DMXL1: variants seen among roughly 807,000 people sequenced by gnomAD.
DMXL1 encodes dmX-like protein 1.
Under a neutral mutation model 319.2 loss-of-function variants are expected in DMXL1, and 99 were observed. The observed-to-expected ratio is 0.31, with a 90% confidence interval of 0.26 to 0.37. DMXL1 has a LOEUF of 0.37. Ranked by LOEUF, DMXL1 falls within the 10% of genes least tolerant of loss-of-function variation. DMXL1 has a pLI of 1.00. For missense variants in DMXL1, 3,745 were observed against 3,595.6 expected, an observed-to-expected ratio of 1.04 and a Z score of -1.06; for synonymous variants, 1,385 against 1,235.2, an observed-to-expected ratio of 1.12 and a Z score of -2.54.
rs1438775984 is a variant in DMXL1, at chr5:119,133,120, T to C, written c.1316-12T>C. The C allele has an allele frequency of 1.9e-6, 3 of 1,613,290 alleles. No individual in the cohort carries two copies. The highest frequency in any genetic ancestry group is 2.5e-6 in the Non-Finnish European group (3 of 1,179,540). On this transcript the variant is annotated splice_polypyrimidine_tract_variant and intron_variant, in intron 10 of 43. Coordinates refer to ENST00000539542, the MANE Select transcript of DMXL1 (RefSeq NM_001290321.3). ...TTGTATTTACTTGGTTCATGAACTCTTTTGCTTATAGAAACTGATGATGGT... is the reference window on the plus strand; with the variant it reads ...TTGTATTTACTTGGTTCATGAACTCCTTTGCTTATAGAAACTGATGATGGT...
At position 119,149,746 on chromosome 5, in the gene DMXL1, G is replaced by A. The variant is rs1455523917; in HGVS notation, c.3919G>A (p.Glu1307Lys). 1.2e-6 allele frequency: 2 copies of A among 1,613,984 alleles called. No individual in the cohort carries two copies. The highest frequency in any genetic ancestry group is 2.2e-5 in the South Asian group (2 of 91,074). The stretch of plus-strand genomic sequence containing the variant: ...TGCATTCGATCCTTCAGTGGATATG[G>A]AAGATTCAGGTCTTTTTGAAGCAGC... The part of the protein sequence containing the change: ...KTAFDPSVDM[E>K]DSGLFEAAHV... The change falls in exon 18 of 44, where the codon GAA (glutamate) becomes AAA (lysine). Residue 1307 changes from glutamate to lysine, a missense_variant. Physicochemically the swap from Glu to Lys is moderately conservative, Grantham distance 56 (BLOSUM62 1). Around this residue, in one of 4 missense-constraint regions of DMXL1, gnomAD observed 2,096 missense variants for 1,985.4 expected, o/e 1.06. Transcript: ENST00000539542.
At chr5:119,201,784 G>C (rs907608480) in intron 32 of DMXL1, among the ~76,000 whole-genome samples, 1 of 152,082 alleles carries the variant, frequency 6.6e-6, no homozygotes. Flanking sequence ...ATTTCTTCCA[G>C]GTTCAGTCTT....
At chr5:119,221,527 GT>G (rs1032994561) in intron 37 of DMXL1, among the ~76,000 whole-genome samples, 1 of 152,008 alleles carries the variant, frequency 6.6e-6, no homozygotes, top group South Asian at 2.1e-4. Flanking sequence ...GGATTTCAGT[GT>G]TTTTTTACAA....
chr5:119,154,792 A>T (rs1020452637), intron 19 of DMXL1: 2 of 152,366 alleles, frequency 1.3e-5, no homozygotes, highest in Non-Finnish European at 2.9e-5. Flanking sequence ...TTGGAAGAAG[A>T]TGCCATCTAG....
intron 1 of DMXL1, among the ~76,000 whole-genome samples, chr5:119,088,195 T>C (rs1321918377): frequency 1.3e-5 from 2 of 152,256 alleles, no homozygotes; most frequent in South Asian, 2.1e-4. Context: ...TTTATCGTTA[T>C]ATAGTAATCT....
chr5:119,105,269 A>G lies in DMXL1; in HGVS notation c.364+11A>G, dbSNP rs1180928458. ...CCTGGGATCCCACAGGTAAGAAAAT[A>G]AGCAGGATTAACTAAAATGAAATAT... On this transcript the variant is annotated intron_variant, in intron 4 of 43. Transcript: ENST00000539542. 6.2e-7 allele frequency: 1 copy of G among 1,600,620 alleles called. No individual in the cohort carries two copies. Among genetic ancestry groups the G allele is most frequent in the African/African-American group, 1.3e-5 (1 of 74,694 alleles).
chr5:119,136,291 G>T (rs746046027), intron 13 of DMXL1, among the ~76,000 whole-genome samples: 2 of 152,210 alleles, frequency 1.3e-5, no homozygotes, highest in Non-Finnish European at 2.9e-5. Context: ...GGCTTATTCT[G>T]AATGCATTCA....
intron 1 of DMXL1, among the ~76,000 whole-genome samples, chr5:119,090,254 C>T (rs1754464007): frequency 6.6e-6 from 1 of 151,620 alleles, no homozygotes. Flanking sequence ...CTCCGGACCT[C>T]AGGTGATTTG....
intron 37 of DMXL1, 142 bp from the exon 38 acceptor site, chr5:119,224,567 T>A: frequency 2.8e-6 from 1 of 358,030 alleles, no homozygotes; most frequent in Non-Finnish European, 5.2e-6. Context: ...TCTGTTATCA[T>A]GTTTAGTATT....
At chr5:119,074,278 C>T (rs1750321864) in intron 1 of DMXL1, among the ~76,000 whole-genome samples, 1 of 152,168 alleles carries the variant, frequency 6.6e-6, no homozygotes, top group Non-Finnish European at 1.5e-5. Flanking sequence ...AAATAGTAAA[C>T]ATTAATGGTA....
At chr5:119,156,270 A>G (rs1174696795) in intron 19 of DMXL1, among the ~76,000 whole-genome samples, 1 of 152,210 alleles carries the variant, frequency 6.6e-6, no homozygotes, top group Non-Finnish European at 1.5e-5. Flanking sequence ...TGTTTTAGCA[A>G]TGATGTATTT....
intron 8 of DMXL1, among the ~76,000 whole-genome samples, chr5:119,119,591 A>C (rs931725853): frequency 6.7e-6 from 1 of 149,978 alleles, no homozygotes; most frequent in Non-Finnish European, 1.5e-5. Context: ...GCTGGAGTGC[A>C]GTGGCATGAT....
chr5:119,129,665 A>C (rs1007134781), intron 10 of DMXL1, among the ~76,000 whole-genome samples: 1 of 152,180 alleles, frequency 6.6e-6, no homozygotes, highest in African/African-American at 2.4e-5. Flanking sequence ...GGACTTTCCT[A>C]TATAAAGGAC....
At chr5:119,205,090 GT>G (rs963666675) in intron 33 of DMXL1, among the ~76,000 whole-genome samples, 5 of 152,034 alleles carry the variant, frequency 3.3e-5, no homozygotes, top group African/African-American at 1.2e-4. Context: ...TTTGACCTGA[GT>G]ACCTTGGTGT....
chr5:119,112,596 C>A (rs764578677), intron 5 of DMXL1, among the ~76,000 whole-genome samples: 1 of 152,072 alleles, frequency 6.6e-6, no homozygotes, highest in Admixed American at 6.6e-5. Flanking sequence ...ATGTATTTTG[C>A]ACCCCTCAGA....
At chr5:119,115,497 C>G (rs1048779636) in intron 6 of DMXL1, among the ~76,000 whole-genome samples, 15 of 152,156 alleles carry the variant, frequency 9.9e-5, no homozygotes, top group Non-Finnish European at 1.6e-4. Flanking sequence ...ATTCTGCAAA[C>G]TAAGAGTGTA....
At position 119,149,274 on chromosome 5, in the gene DMXL1, C is replaced by T. The variant is rs147688351; in HGVS notation, c.3447C>T (p.Asp1149=). 2.5e-4 allele frequency: 409 copies of T among 1,613,840 alleles called. 2 individuals carry two copies. The African/African-American group carries it at 4.8e-3, about 19-fold the overall frequency. The change falls in exon 18 of 44, where the codon GAC becomes GAT. Residue 1149 remains aspartate (D), a synonymous_variant. Transcript: ENST00000539542. ...ACTTAGATTGGATGTCTAGAGAAGA[C>T]GGTTCTCATATCCTGACTGTAGGAA... ...LVHLDWMSRE[D]GSHILTVGIG...
At position 119,213,430 on chromosome 5, in the gene DMXL1, T is replaced by G. The variant is rs540343447; in HGVS notation, c.7927-3471T>G. Among the ~76,000 whole-genome samples the G allele has an allele frequency of 8.5e-5, 13 of 152,336 alleles. No homozygotes were observed. In the South Asian group the frequency reaches 2.7e-3, roughly 32 times the overall value. On this transcript the variant is annotated intron_variant, in intron 34 of 43. Transcript: ENST00000539542. ...GAACTTGTCTTCAGTTCTTAATAACTGAAGCCCATCTCCCTCTCTCCTTGT... is the reference window on the plus strand; with the variant it reads ...GAACTTGTCTTCAGTTCTTAATAACGGAAGCCCATCTCCCTCTCTCCTTGT...
intron 4 of DMXL1, among the ~76,000 whole-genome samples, chr5:119,108,853 G>A (rs1758931900): frequency 5.9e-5 from 9 of 151,890 alleles, no homozygotes; most frequent in Admixed American, 5.9e-4. Flanking sequence ...TCAGGCTGGA[G>A]TGCAATGGTG....
Sources: allele counts gnomAD v4.1 joint callset (sites outside exome capture counted in the v4.1 genomes callset), GRCh38; gene constraint gnomAD v4.1.1; regional missense constraint gnomAD v4.1.1; transcripts MANE v1.5; gene names NCBI Gene and HGNC (gene_info 2026-07-23, HGNC 2026-07-21).